SRGAP2C: variants seen among roughly 807,000 people sequenced by gnomAD.
The protein encoded by SRGAP2C is SLIT-ROBO Rho GTPase-activating protein 2C.
Under a neutral mutation model 25.1 loss-of-function variants are expected in SRGAP2C, and 15 were observed. The ratio of observed to expected loss-of-function variants is 0.60; its 90% confidence interval spans 0.40 to 0.92. The LOEUF (loss-of-function observed/expected upper bound fraction) is 0.92, where lower values mean the gene tolerates loss of function less well. SRGAP2C is among the 40% of genes least tolerant of loss of function. The pLI is 0.00. For synonymous variants in SRGAP2C, 44 were observed against 96.6 expected, an observed-to-expected ratio of 0.46 and a Z score of 3.19; for missense variants, 144 against 264.4, an observed-to-expected ratio of 0.54 and a Z score of 3.16.
At chr1:121,331,923 A>G (rs1157981297) in intron 4 of SRGAP2C, among the ~76,000 whole-genome samples, 1 of 151,904 alleles carries the variant, frequency 6.6e-6, no homozygotes, top group African/African-American at 2.4e-5. Flanking sequence ...CAGGATGGGG[A>G]TGAAGGATTG....
chr1:121,272,760 G>A (rs1463293241), intron 2 of SRGAP2C, among the ~76,000 whole-genome samples: 1 of 151,406 alleles, frequency 6.6e-6, no homozygotes, highest in Non-Finnish European at 1.5e-5. Flanking sequence ...TTCAAATCCT[G>A]TTGTGATCTG....
intron 2 of SRGAP2C, among the ~76,000 whole-genome samples, chr1:121,254,061 C>G (rs1362599299): frequency 1.3e-5 from 2 of 150,034 alleles, no homozygotes; most frequent in African/African-American, 2.4e-5. Flanking sequence ...TGCAGGCATG[C>G]GCCACCATGC....
chr1:121,235,040 G>A (rs587754786), intron 2 of SRGAP2C, among the ~76,000 whole-genome samples: 1 of 69,496 alleles, frequency 1.4e-5, no homozygotes, highest in African/African-American at 7.0e-5. Flanking sequence ...TTTTTTTTTT[G>A]AGGCGGAGTC....
At chr1:121,291,124 A>AT (rs1178133040) in intron 3 of SRGAP2C, among the ~76,000 whole-genome samples, 1 of 130,952 alleles carries the variant, frequency 7.6e-6, no homozygotes. Context: ...AAAAAAAAAA[A>AT]GTGGGGGGAG....
At chr1:121,293,753 G>A (rs1374187943) in intron 3 of SRGAP2C, among the ~76,000 whole-genome samples, 22 of 141,304 alleles carry the variant, frequency 1.6e-4, no homozygotes, top group East Asian at 8.6e-4. Context: ...CACCTCCCCC[G>A]GAGCTGTAGC....
At chr1:121,339,100 G>A (rs1658589515) in intron 4 of SRGAP2C, among the ~76,000 whole-genome samples, 1 of 151,216 alleles carries the variant, frequency 6.6e-6, no homozygotes, top group Admixed American at 6.6e-5. Context: ...ATTAAGCTTA[G>A]TGTAATTTTT....
chr1:121,255,669 TTA>T (rs1215636204), intron 2 of SRGAP2C, among the ~76,000 whole-genome samples: 1 of 150,966 alleles, frequency 6.6e-6, no homozygotes, highest in African/African-American at 2.4e-5. Flanking sequence ...AATACAAAAA[TTA>T]TCTGGGTGTG....
intron 6 of SRGAP2C, among the ~76,000 whole-genome samples, chr1:121,374,557 A>C (rs1659587030): frequency 6.6e-6 from 1 of 152,114 alleles, no homozygotes; most frequent in Admixed American, 6.5e-5. Context: ...CCTCCTTCAG[A>C]GTGGCATTGC....
intron 5 of SRGAP2C, among the ~76,000 whole-genome samples, chr1:121,367,019 G>A (rs2101652287): frequency 6.8e-6 from 1 of 146,796 alleles, no homozygotes; most frequent in Middle Eastern, 3.5e-3. Flanking sequence ...CTGGTCTGCA[G>A]AGGGCCGAGC....
intron 3 of SRGAP2C, among the ~76,000 whole-genome samples, chr1:121,306,143 C>T (rs1657831690): frequency 6.6e-6 from 1 of 151,672 alleles, no homozygotes; most frequent in Non-Finnish European, 1.5e-5. Flanking sequence ...AATAATTCAC[C>T]AGCTTGCAAA....
At chr1:121,285,420 A>ACACACACACACACACT (rs1487748717) in intron 3 of SRGAP2C, among the ~76,000 whole-genome samples, 1 of 148,350 alleles carries the variant, frequency 6.7e-6, no homozygotes, top group Non-Finnish European at 1.5e-5. Flanking sequence ...ACACACACAC[A>ACACACACACACACACT]CACACTCACA....
At position 121,372,904 on chromosome 1, in the gene SRGAP2C, C is replaced by CACAT. The variant is rs1283573717; in HGVS notation, c.487-1066_487-1065insCATA. On this transcript the variant is annotated intron_variant, in intron 5 of 9. Transcript: ENST00000367123. ...GCACACACACACACACACACACACA[C>CACAT]ATGCACACACACACCCAACTTCTAC... Among the ~76,000 whole-genome samples the CACAT allele has an allele frequency of 1.4e-3, 103 of 73,008 alleles. 34 individuals are homozygous for CACAT. Among genetic ancestry groups the CACAT allele is most frequent in the Non-Finnish European group, 2.0e-3 (73 of 35,862 alleles). 47.9% of individuals were successfully genotyped at this position (73,008 alleles called of 152,430 possible). A position where few individuals can be genotyped will look rare whatever the true frequency, so the allele number is the denominator to read the frequency against.
chr1:121,236,261 G>A (rs1189068074), intron 2 of SRGAP2C, among the ~76,000 whole-genome samples: 1 of 151,916 alleles, frequency 6.6e-6, no homozygotes, highest in African/African-American at 2.4e-5. Flanking sequence ...CTCTTGTTGG[G>A]CATCAACAGA....
At chr1:121,287,372 TC>T (rs1303790781) in intron 3 of SRGAP2C, among the ~76,000 whole-genome samples, 1 of 108,944 alleles carries the variant, frequency 9.2e-6, no homozygotes, top group Non-Finnish European at 1.9e-5. Flanking sequence ...GATGTTTTTT[TC>T]CTCAGAGTTT....
chr1:121,305,165 C>A, intron 3 of SRGAP2C, among the ~76,000 whole-genome samples: 1 of 151,600 alleles, frequency 6.6e-6, no homozygotes. Context: ...TGCCATTCTC[C>A]CTGATCACCT....
chr1:121,345,840 A>T (rs1291216857), intron 4 of SRGAP2C, among the ~76,000 whole-genome samples: 1 of 144,368 alleles, frequency 6.9e-6, no homozygotes, highest in Non-Finnish European at 1.5e-5. Context: ...TAGTAGAGAC[A>T]GGGTTTCACT....
chr1:121,286,014 C>A (rs1657357104), intron 3 of SRGAP2C, among the ~76,000 whole-genome samples: 2 of 152,204 alleles, frequency 1.3e-5, no homozygotes, highest in Non-Finnish European at 2.9e-5. Flanking sequence ...CAAAAAAAGT[C>A]ATAATATTTT....
intron 2 of SRGAP2C, among the ~76,000 whole-genome samples, chr1:121,208,275 T>C (rs1224793656): frequency 5.9e-5 from 9 of 152,142 alleles, no homozygotes; most frequent in Admixed American, 5.9e-4. Context: ...TGTTGCTTTC[T>C]GGGCCATACT....
chr1:121,305,872 CTCT>C (rs1657816870), intron 3 of SRGAP2C, among the ~76,000 whole-genome samples: 1 of 149,458 alleles, frequency 6.7e-6, no homozygotes, highest in Non-Finnish European at 1.5e-5. Context: ...CACTTTCCAT[CTCT>C]TCTTCATATT....
Sources: gnomAD v4.1 joint callset for allele counts (sites outside exome capture counted in the v4.1 genomes callset) on GRCh38, gnomAD v4.1.1 for gene constraint, MANE v1.5 for transcripts, NCBI Gene and HGNC (gene_info 2026-07-23, HGNC 2026-07-21) for gene names.